Variants in CAMTA1 observed in about 807,000 individuals in gnomAD.
CAMTA1 encodes calmodulin-binding transcription activator 1.
Under a neutral mutation model 170.9 loss-of-function variants are expected in CAMTA1, and 27 were observed. The observed-to-expected ratio is 0.16, with a 90% CI of 0.12 to 0.22. The LOEUF (loss-of-function observed/expected upper bound fraction) is 0.22, where lower values mean the gene tolerates loss of function less well. CAMTA1 is among the 10% of genes least tolerant of loss of function. The pLI is 1.00. For synonymous variants in CAMTA1, 833 were observed against 891.5 expected, an observed-to-expected ratio of 0.93 and a Z score of 1.17; for missense variants, 1,619 against 2,217.2, an observed-to-expected ratio of 0.73 and a Z score of 5.42.
At position 6,894,658 on chromosome 1, in the gene CAMTA1, C is replaced by T. The variant is rs184599674; in HGVS notation, c.234+69448C>T. On this transcript the variant is annotated intron_variant, in intron 3 of 22. Coordinates refer to ENST00000303635, the MANE Select transcript of CAMTA1 (RefSeq NM_015215.4). ...ATTTAGATGTTTAATAGAAAGTAAA[C>T]GTTTGACTTGCTTTGGTTTCTGCTG... is the stretch of plus-strand genomic sequence containing the variant. Among the ~76,000 whole-genome samples the T allele has an allele frequency of 1.7e-4, 26 of 152,272 alleles. 1 individual carries two copies. Among genetic ancestry groups the T allele is most frequent in the Middle Eastern group, 3.4e-3 (1 of 294 alleles).
At chr1:7,494,487 G>A (rs1444840133) in intron 6 of CAMTA1, among the ~76,000 whole-genome samples, 1 of 152,076 alleles carries the variant, frequency 6.6e-6, no homozygotes, top group Non-Finnish European at 1.5e-5. Context: ...CAGCTGCTGG[G>A]GTCTGGGGGA....
rs116586959 is a variant in CAMTA1, at chr1:7,399,189, G to A, written c.439-68641G>A. Among the ~76,000 whole-genome samples the A allele has an allele frequency of 2.2e-3, 337 of 152,206 alleles. 1 individual carries two copies. Among genetic ancestry groups the A allele is most frequent in the African/African-American group, 6.7e-3 (280 of 41,542 alleles). ...GTTCTGTTCTCATGGTAATGAATGC[G>A]TTCTTGCTCTGTTAGTTTCTGTGAG... On this transcript the variant is annotated intron_variant, in intron 5 of 22. Coordinates refer to ENST00000303635, the MANE Select transcript of CAMTA1 (RefSeq NM_015215.4).
chr1:7,048,812 C>T (rs1005401845), intron 3 of CAMTA1, among the ~76,000 whole-genome samples: 4 of 152,188 alleles, frequency 2.6e-5, no homozygotes, highest in Non-Finnish European at 5.9e-5. Flanking sequence ...GTGTGTTCCT[C>T]AGAAGGAATG....
intron 3 of CAMTA1, among the ~76,000 whole-genome samples, chr1:6,878,720 C>T (rs776492863): frequency 5.3e-4 from 81 of 152,350 alleles, no homozygotes; most frequent in Non-Finnish European, 1.0e-3. Context: ...CAGCAGGAAG[C>T]TGGATCAGTA....
intron 7 of CAMTA1, among the ~76,000 whole-genome samples, chr1:7,654,513 CACTCCTAT>C (rs2095867091): frequency 6.6e-5 from 10 of 151,438 alleles, no homozygotes; most frequent in Admixed American, 6.6e-4. Flanking sequence ...TACACACATA[CACTCCTAT>C]ACACACAAAC....
chr1:7,265,406 C>T (rs937386461), intron 5 of CAMTA1, among the ~76,000 whole-genome samples: 28 of 152,230 alleles, frequency 1.8e-4, no homozygotes, highest in South Asian at 4.2e-4. Context: ...CTCTGCTTCC[C>T]GGGTTCAAGT....
chr1:7,230,397 G>A (rs1338556262), intron 4 of CAMTA1, among the ~76,000 whole-genome samples: 1 of 149,138 alleles, frequency 6.7e-6, no homozygotes, highest in African/African-American at 2.5e-5. Context: ...GCTCCTGGGT[G>A]CTGTGGATCT....
At chr1:7,157,629 T>C (rs141389726) in intron 4 of CAMTA1, among the ~76,000 whole-genome samples, 1 of 152,328 alleles carries the variant, frequency 6.6e-6, no homozygotes, top group African/African-American at 2.4e-5. Context: ...TTTGGAAAAG[T>C]ACCTGGCAGT....
At chr1:6,900,045 G>A (rs1676592780) in intron 3 of CAMTA1, among the ~76,000 whole-genome samples, 1 of 152,218 alleles carries the variant, frequency 6.6e-6, no homozygotes, top group African/African-American at 2.4e-5. Context: ...CCCACTCCCT[G>A]CAGCTCTTTG....
At chr1:7,306,438 G>T (rs933128572) in intron 5 of CAMTA1, among the ~76,000 whole-genome samples, 13 of 151,806 alleles carry the variant, frequency 8.6e-5, no homozygotes, top group Non-Finnish European at 1.3e-4. Context: ...AAAATCAATT[G>T]TCTGTATTTG....
chr1:7,431,495 G>T (rs998240969), intron 5 of CAMTA1, among the ~76,000 whole-genome samples: 1 of 152,156 alleles, frequency 6.6e-6, no homozygotes, highest in Admixed American at 6.5e-5. Flanking sequence ...GTCCCTGATC[G>T]CTGGGAAGAG....
At chr1:7,326,968 A>G (rs1363648624) in intron 5 of CAMTA1, among the ~76,000 whole-genome samples, 3 of 152,322 alleles carry the variant, frequency 2.0e-5, no homozygotes, top group African/African-American at 4.8e-5. Context: ...CCAAGCGAAC[A>G]AAAAAGGATG....
At chr1:7,367,164 G>A (rs1187691410) in intron 5 of CAMTA1, among the ~76,000 whole-genome samples, 2 of 152,220 alleles carry the variant, frequency 1.3e-5, no homozygotes, top group Non-Finnish European at 2.9e-5. Context: ...AGGAGCTGGA[G>A]CCTCTTTTGA....
At chr1:6,884,353 A>G (rs140814455) in intron 3 of CAMTA1, among the ~76,000 whole-genome samples, 225 of 148,616 alleles carry the variant, frequency 1.5e-3, no homozygotes, top group African/African-American at 5.3e-3. Context: ...TTTGGCTTTG[A>G]TCCACACAAT....
At position 7,249,374 on chromosome 1, in the gene CAMTA1, C is replaced by G. The variant is rs1273448218; in HGVS notation, c.303-117C>G. 6 of 1,040,090 alleles carry G rather than the reference C, an allele frequency of 5.8e-6. No individual in the cohort carries two copies. Among genetic ancestry groups the G allele is most frequent in the Non-Finnish European group, 6.9e-6 (5 of 720,052 alleles). 64.4% of individuals were successfully genotyped at this position (1,040,090 alleles called of 1,614,324 possible). A position where few individuals can be genotyped will look rare whatever the true frequency, so the allele number is the denominator to read the frequency against. ...GCAATAAAAGGTGAAAAATTATGTT[C>G]CAGCAAATGTGGAATATTGCTTTTC... On this transcript the variant is annotated intron_variant, in intron 4 of 22. Coordinates refer to ENST00000303635, the MANE Select transcript of CAMTA1 (RefSeq NM_015215.4). The surrounding 1 kb of genome is among the most constrained non-coding windows in gnomAD (Gnocchi z 4.4).
chr1:6,960,590 C>T (rs528828955), intron 3 of CAMTA1, among the ~76,000 whole-genome samples: 2 of 152,362 alleles, frequency 1.3e-5, no homozygotes, highest in African/African-American at 2.4e-5. Flanking sequence ...ATCACTCCTC[C>T]TCCATGTCCC....
intron 3 of CAMTA1, among the ~76,000 whole-genome samples, chr1:6,932,192 C>A (rs149418833): frequency 6.6e-6 from 1 of 152,202 alleles, no homozygotes; most frequent in Non-Finnish European, 1.5e-5. Context: ...GGCCTCCCCC[C>A]TCCTCGCCAG....
chr1:7,480,742 T>C (rs2093517487), intron 6 of CAMTA1, among the ~76,000 whole-genome samples: 1 of 152,080 alleles, frequency 6.6e-6, no homozygotes, highest in Non-Finnish European at 1.5e-5. Flanking sequence ...TGCTGAGGCC[T>C]TCTCTTCTCT....
rs1245828467 is a variant in CAMTA1, at chr1:7,570,960, T to C, written c.511-69440T>C. Among the ~76,000 whole-genome samples the C allele has an allele frequency of 1.3e-5, 2 of 152,040 alleles. No individual in the cohort carries two copies. The highest frequency in any genetic ancestry group is 2.4e-5 in the African/African-American group (1 of 41,358). On this transcript the variant is annotated intron_variant, in intron 6 of 22. Coordinates refer to ENST00000303635, the MANE Select transcript of CAMTA1 (RefSeq NM_015215.4). The surrounding 1 kb of genome is among the most constrained non-coding windows in gnomAD (Gnocchi z 4.3). Reference sequence around the variant, plus strand: ...GGCAGCCTTTCTGTGTCGCCGGAGGTTGTGAGGATTAAAGGTGGTGTATCT... The same window carrying C: ...GGCAGCCTTTCTGTGTCGCCGGAGGCTGTGAGGATTAAAGGTGGTGTATCT...
Sources: allele counts gnomAD v4.1 joint callset (sites outside exome capture counted in the v4.1 genomes callset), GRCh38; gene constraint gnomAD v4.1.1; non-coding constraint Gnocchi (gnomAD v3.1); transcripts MANE v1.5; gene names NCBI Gene and HGNC (gene_info 2026-07-23, HGNC 2026-07-21).